Variants in ARID4B observed in about 807,000 individuals in gnomAD.
ARID4B encodes the protein AT-rich interaction domain 4B.
In ARID4B, 26 loss-of-function variants were observed where a neutral mutation model predicts 147.5. That is an observed-to-expected ratio of 0.18 (90% CI 0.13 to 0.24). The LOEUF is 0.24. Ranked by LOEUF, ARID4B falls within the 10% of genes least tolerant of loss-of-function variation. The probability of loss-of-function intolerance (pLI) is 1.00; values close to 1 mark genes in which losing one functional copy is unlikely to be tolerated. For synonymous variants in ARID4B, 512 were observed against 507.9 expected (o/e 1.01, Z -0.11); for missense variants, 1,179 against 1,511.5 (o/e 0.78, Z 3.65).
intron 2 of ARID4B, among the ~76,000 whole-genome samples, chr1:235,288,029 G>A (rs904695802): frequency 1.4e-4 from 22 of 152,206 alleles, no homozygotes; most frequent in African/African-American, 5.3e-4. Context: ...TAATGTGGCT[G>A]GGCGCAGTGG....
chr1:235,173,758 AAAAAAAAAAAAAAATATATATATATAT>A (rs1375651122), intron 22 of ARID4B, among the ~76,000 whole-genome samples: 1 of 51,908 alleles, frequency 1.9e-5, no homozygotes, highest in African/African-American at 9.9e-5. Flanking sequence ...AAAAAAAAAA[AAAAAAAAAAAAAAATATATATATATAT>A]ATATATATAT....
chr1:235,241,536 T>A (rs1668980043), intron 7 of ARID4B, among the ~76,000 whole-genome samples: 1 of 152,196 alleles, frequency 6.6e-6, no homozygotes, highest in Non-Finnish European at 1.5e-5. Context: ...TTTTTCTTTT[T>A]TGAGGCGGAG....
intron 5 of ARID4B, 83 bp from the exon 6 acceptor site, chr1:235,252,892 G>A: frequency 1.8e-6 from 2 of 1,084,348 alleles, no homozygotes; most frequent in Non-Finnish European, 2.7e-6. Flanking sequence ...TTTTCTGAGT[G>A]CAAACAGATC....
intron 2 of ARID4B, among the ~76,000 whole-genome samples, chr1:235,322,874 A>T (rs914176889): frequency 6.6e-6 from 1 of 152,034 alleles, no homozygotes; most frequent in Non-Finnish European, 1.5e-5. Context: ...AAACAAAGGT[A>T]GAGGTAGGGG....
At chr1:235,274,609 A>C (rs912589607) in intron 2 of ARID4B, among the ~76,000 whole-genome samples, 1 of 152,206 alleles carries the variant, frequency 6.6e-6, no homozygotes, top group Non-Finnish European at 1.5e-5. Flanking sequence ...AAAATAATCA[A>C]TTAAAAATGT....
intron 22 of ARID4B, among the ~76,000 whole-genome samples, chr1:235,174,835 G>A (rs1247745879): frequency 1.3e-5 from 2 of 151,896 alleles, no homozygotes; most frequent in Non-Finnish European, 2.9e-5. Context: ...GCCAGGCGCA[G>A]TGGCTCATGC....
At chr1:235,230,605 AAAAAAAAAAAAC>A (rs1214811047) in intron 10 of ARID4B, among the ~76,000 whole-genome samples, 2 of 130,030 alleles carry the variant, frequency 1.5e-5, no homozygotes, top group African/African-American at 5.8e-5. Flanking sequence ...AAAAAAAAAA[AAAAAAAAAAAAC>A]CAGAAAAAAA....
chr1:235,303,066 G>C (rs966585527), intron 2 of ARID4B, among the ~76,000 whole-genome samples: 4 of 152,116 alleles, frequency 2.6e-5, no homozygotes, highest in Admixed American at 2.6e-4. Flanking sequence ...TGGGACTACA[G>C]GCGCCCGCCA....
chr1:235,273,316 C>T (rs4288584), intron 2 of ARID4B, among the ~76,000 whole-genome samples: 72,675 of 151,918 alleles, frequency 0.48, 17,722 homozygotes, highest in South Asian at 0.6. Flanking sequence ...AGTGCTAGGA[C>T]TACAAGCATG....
intron 23 of ARID4B, among the ~76,000 whole-genome samples, chr1:235,169,648 G>T (rs1422936425): frequency 2.7e-5 from 4 of 150,310 alleles, no homozygotes; most frequent in African/African-American, 9.8e-5. Context: ...CCATTCTCCT[G>T]CCTCAGCCTC....
chr1:235,243,447 C>A (rs1462072850), intron 7 of ARID4B, among the ~76,000 whole-genome samples: 1 of 152,008 alleles, frequency 6.6e-6, no homozygotes, highest in Non-Finnish European at 1.5e-5. Context: ...TCTTTGGTGG[C>A]AAGGTATTTG....
chr1:235,173,808 A>ATG (rs1553279127), intron 22 of ARID4B, among the ~76,000 whole-genome samples: 32 of 78,546 alleles, frequency 4.1e-4, no homozygotes, highest in African/African-American at 1.6e-3. Context: ...ATATATATAT[A>ATG]TATATGTATA....
chr1:235,325,983 G>C (rs1675206340), intron 2 of ARID4B, among the ~76,000 whole-genome samples: 1 of 152,082 alleles, frequency 6.6e-6, no homozygotes, highest in African/African-American at 2.4e-5. Flanking sequence ...AGTAGACAAC[G>C]TTGATATTCT....
intron 2 of ARID4B, among the ~76,000 whole-genome samples, chr1:235,273,911 G>A (rs1215075790): frequency 6.6e-6 from 1 of 152,090 alleles, no homozygotes; most frequent in Non-Finnish European, 1.5e-5. Context: ...TCATGATGTA[G>A]GAACATATCA....
intron 7 of ARID4B, among the ~76,000 whole-genome samples, chr1:235,243,065 C>T (rs748336413): frequency 1.4e-4 from 21 of 151,982 alleles, no homozygotes; most frequent in Non-Finnish European, 3.1e-4. Flanking sequence ...TGTAAGCTCT[C>T]AAGTTGAAGA....
At chr1:235,173,763 AAAAAAAAAATAT>A (rs1256073506) in intron 22 of ARID4B, among the ~76,000 whole-genome samples, 1 of 52,502 alleles carries the variant, frequency 1.9e-5, no homozygotes, top group Admixed American at 2.4e-4. Context: ...AAAAAAAAAA[AAAAAAAAAATAT>A]ATATATATAT....
intron 2 of ARID4B, among the ~76,000 whole-genome samples, chr1:235,288,650 T>G (rs575884488): frequency 1.3e-5 from 2 of 152,366 alleles, no homozygotes; most frequent in East Asian, 3.9e-4. Context: ...TTTTCTGTTT[T>G]TCCCTATTAA....
intron 2 of ARID4B, among the ~76,000 whole-genome samples, chr1:235,298,274 T>C (rs1232891422): frequency 6.6e-6 from 1 of 152,100 alleles, no homozygotes; most frequent in Non-Finnish European, 1.5e-5. Flanking sequence ...TTTTTGTATG[T>C]TGTAAATTTC....
chr1:235,256,416 G>A (rs1420997183), intron 4 of ARID4B, among the ~76,000 whole-genome samples: 1 of 152,064 alleles, frequency 6.6e-6, no homozygotes, highest in Non-Finnish European at 1.5e-5. Context: ...AGGAACCTCA[G>A]GAAGGATAGG....
Sources: allele counts gnomAD v4.1 joint callset (sites outside exome capture counted in the v4.1 genomes callset), GRCh38; gene constraint gnomAD v4.1.1; transcripts MANE v1.5; gene names NCBI Gene and HGNC (gene_info 2026-07-23, HGNC 2026-07-21).